PACRG: variants seen among roughly 807,000 people sequenced by gnomAD.
PACRG encodes parkin coregulated gene protein.
A neutral mutation model predicts 29.7 loss-of-function variants in PACRG; 29 were observed. That is an observed-to-expected ratio of 0.98 (90% CI 0.73 to 1.33). The LOEUF (loss-of-function observed/expected upper bound fraction) is 1.33, where lower values mean the gene tolerates loss of function less well. Among genes scored for constraint, PACRG ranks in the 40% most tolerant of loss-of-function variants. The pLI is 0.00. For missense variants in PACRG, 279 were observed against 316.2 expected (o/e 0.88, Z 0.89); for synonymous variants, 116 against 118.7 (o/e 0.98, Z 0.15).
At chr6:162,941,679 C>T (rs1798642280) in intron 2 of PACRG, among the ~76,000 whole-genome samples, 2 of 152,102 alleles carry the variant, frequency 1.3e-5, no homozygotes, top group African/African-American at 4.8e-5. Context: ...TGTTAATTAG[C>T]TTTATTTAAT....
chr6:162,822,810 T>C (rs1787949398), intron 2 of PACRG, among the ~76,000 whole-genome samples: 2 of 152,262 alleles, frequency 1.3e-5, no homozygotes, highest in South Asian at 4.1e-4. Flanking sequence ...TCCCTTCATA[T>C]CTCTTTAGAA....
intron 2 of PACRG, among the ~76,000 whole-genome samples, chr6:162,850,352 C>T (rs1384422754): frequency 6.6e-6 from 1 of 152,108 alleles, no homozygotes; most frequent in African/African-American, 2.4e-5. Flanking sequence ...GCATAGGGCT[C>T]CTAAAATCCT....
chr6:163,164,938 A>G (rs1778727437), intron 4 of PACRG, among the ~76,000 whole-genome samples: 1 of 152,012 alleles, frequency 6.6e-6, no homozygotes. Flanking sequence ...TACATGAACC[A>G]AAGATGCTGG....
intron 2 of PACRG, among the ~76,000 whole-genome samples, chr6:162,874,151 A>AAAATATAT (rs67812561): frequency 1.2e-4 from 16 of 136,296 alleles, no homozygotes; most frequent in South Asian, 7.0e-4. Flanking sequence ...AAAAAAAAAA[A>AAAATATAT]ATATATATAT....
At chr6:162,837,876 G>C (rs920556786) in intron 2 of PACRG, among the ~76,000 whole-genome samples, 1 of 152,098 alleles carries the variant, frequency 6.6e-6, no homozygotes, top group African/African-American at 2.4e-5. Context: ...GAAATTGTTA[G>C]CATTCCTGTT....
At chr6:162,846,051 T>C (rs2128418017) in intron 2 of PACRG, among the ~76,000 whole-genome samples, 1 of 151,858 alleles carries the variant, frequency 6.6e-6, no homozygotes, top group Non-Finnish European at 1.5e-5. Context: ...CAGACCTAGG[T>C]GCGGGTCTGA....
intron 2 of PACRG, among the ~76,000 whole-genome samples, chr6:163,056,495 G>C (rs1026192378): frequency 6.6e-6 from 1 of 152,172 alleles, no homozygotes; most frequent in African/African-American, 2.4e-5. Flanking sequence ...AAATCTAGTT[G>C]CTTAGAAAAG....
At chr6:162,947,329 TAATCATATATATA>T (rs1799113477) in intron 2 of PACRG, among the ~76,000 whole-genome samples, 2 of 33,680 alleles carry the variant, frequency 5.9e-5, no homozygotes, top group African/African-American at 1.5e-4. Flanking sequence ...ATAATACATA[TAATCATATATATA>T]ATGATTACAT....
At chr6:162,844,641 A>G (rs374785624) in intron 2 of PACRG, among the ~76,000 whole-genome samples, 6 of 152,356 alleles carry the variant, frequency 3.9e-5, no homozygotes, top group African/African-American at 1.4e-4. Flanking sequence ...TTTTGAGGCT[A>G]CATAACATTC....
At chr6:162,927,611 A>G (rs137856552) in intron 2 of PACRG, among the ~76,000 whole-genome samples, 125 of 152,104 alleles carry the variant, frequency 8.2e-4, no homozygotes, top group Non-Finnish European at 1.6e-3. Context: ...ATGAGAACAC[A>G]TGGAAATGGG....
rs202194836 is a variant in PACRG, at chr6:163,062,125, G to A, written c.292-25G>A. On this transcript the variant is annotated intron_variant, in intron 2 of 4. Transcript: ENST00000366888. Reference sequence around the variant, plus strand: ...TCTGCCCGAATGCTGTTTTCACATGGCGTCTCTTCTTTCTTTACTTTCAGG... The same window carrying A: ...TCTGCCCGAATGCTGTTTTCACATGACGTCTCTTCTTTCTTTACTTTCAGG... 6.9e-4 allele frequency: 1,113 copies of A among 1,610,998 alleles called. 3 individuals are homozygous for A. The highest frequency in any genetic ancestry group is 8.7e-4 in the Non-Finnish European group (1,022 of 1,178,422).
intron 4 of PACRG, among the ~76,000 whole-genome samples, chr6:163,195,849 G>A (rs949615848): frequency 6.6e-6 from 1 of 152,110 alleles, no homozygotes; most frequent in African/African-American, 2.4e-5. Context: ...TCCCGCGCCC[G>A]CCCCTGGGTG....
At chr6:163,306,098 A>G (rs552690221) in intron 4 of PACRG, among the ~76,000 whole-genome samples, 1 of 152,076 alleles carries the variant, frequency 6.6e-6, no homozygotes, top group East Asian at 1.9e-4. Context: ...CAAAACCTCA[A>G]TTTTCTCCCC....
chr6:162,877,351 C>T (rs1327083546), intron 2 of PACRG, among the ~76,000 whole-genome samples: 3 of 151,996 alleles, frequency 2.0e-5, no homozygotes, highest in African/African-American at 7.2e-5. Context: ...AACCAAGCAC[C>T]ACATGTTCTC....
At chr6:163,096,557 C>T (rs1042125585) in intron 4 of PACRG, among the ~76,000 whole-genome samples, 3 of 152,222 alleles carry the variant, frequency 2.0e-5, no homozygotes, top group East Asian at 1.9e-4. Flanking sequence ...TGGCTTTTGA[C>T]GGGTCATGTA....
At chr6:162,847,783 A>C (rs9365498) in intron 2 of PACRG, among the ~76,000 whole-genome samples, 9,861 of 152,064 alleles carry the variant, frequency 0.065, 475 homozygotes, top group East Asian at 0.26. Flanking sequence ...ACAAGGAGCT[A>C]CTAGGGGCAG....
At chr6:162,785,642 T>A (rs1040734768) in intron 1 of PACRG, among the ~76,000 whole-genome samples, 8 of 152,140 alleles carry the variant, frequency 5.3e-5, no homozygotes, top group Non-Finnish European at 8.8e-5. Context: ...TCATCAGGCA[T>A]TAGTTAGATT....
At chr6:163,033,798 G>A (rs548836236) in intron 2 of PACRG, among the ~76,000 whole-genome samples, 1 of 152,274 alleles carries the variant, frequency 6.6e-6, no homozygotes, top group South Asian at 2.1e-4. Flanking sequence ...GAAGACAAGA[G>A]GGAAACCTCA....
In PACRG at chr6:162,845,180, G is replaced by T. The variant is rs61115550; in HGVS notation, c.291+30899G>T. 1.4e-4 allele frequency among the ~76,000 whole-genome samples: 21 copies of T among 152,176 alleles called. No individual in the cohort carries two copies. In the East Asian group the frequency reaches 3.9e-3, roughly 28 times the overall value. On this transcript the variant is annotated intron_variant, in intron 2 of 4. Coordinates refer to ENST00000366888, the MANE Select transcript of PACRG (RefSeq NM_001080379.2). ...AATTCACTTGATGAGATATAATTTTGCAGACTAGCAATGCAGTAAAAATAC... is the reference window on the plus strand; with the variant it reads ...AATTCACTTGATGAGATATAATTTTTCAGACTAGCAATGCAGTAAAAATAC...
Sources: allele counts gnomAD v4.1 joint callset (sites outside exome capture counted in the v4.1 genomes callset), GRCh38; gene constraint gnomAD v4.1.1; transcripts MANE v1.5; gene names NCBI Gene and HGNC (gene_info 2026-07-23, HGNC 2026-07-21).